KCNIP4: variants seen among roughly 807,000 people sequenced by gnomAD.
KCNIP4 encodes the protein potassium voltage-gated channel interacting protein 4, also known as Kv channel-interacting protein 4.
A neutral mutation model predicts 34.0 loss-of-function variants in KCNIP4; 12 were observed. The observed-to-expected ratio is 0.35, with a 90% CI of 0.23 to 0.57. KCNIP4 has a LOEUF of 0.57. Among genes scored for constraint, KCNIP4 ranks in the 20% least tolerant of loss-of-function variants. The pLI, the probability that KCNIP4 is intolerant of heterozygous loss-of-function variation, is 0.83. For synonymous variants in KCNIP4, 124 were observed against 102.2 expected (o/e 1.21, Z -1.29); for missense variants, 238 against 311.7 (o/e 0.76, Z 1.78).
At chr4:21,269,514 T>C (rs1413561523) in intron 1 of KCNIP4, among the ~76,000 whole-genome samples, 1 of 152,058 alleles carries the variant, frequency 6.6e-6, no homozygotes, top group Non-Finnish European at 1.5e-5. Flanking sequence ...CCAGCAATCT[T>C]CCCACCTCGG....
At chr4:21,345,402 G>A (rs28391756) in intron 1 of KCNIP4, among the ~76,000 whole-genome samples, 10,976 of 152,126 alleles carry the variant, frequency 0.072, 1,197 homozygotes, top group African/African-American at 0.23. Context: ...CATGAAAACG[G>A]TGAGATAAAT....
chr4:21,387,630 G>T (rs1722149028), intron 1 of KCNIP4, among the ~76,000 whole-genome samples: 1 of 152,118 alleles, frequency 6.6e-6, no homozygotes, highest in South Asian at 2.1e-4. Context: ...GAACCAATAT[G>T]AATCCTTTCT....
In KCNIP4 at chr4:21,401,467, G is replaced by A. The variant is rs1303623674; in HGVS notation, c.62-518758C>T. ...CTTTTTCTGGGGCAGACCTATTAAG[G>A]TGCCACTGTTCAGAAAACTCAGCAG... On this transcript the variant is annotated intron_variant, in intron 1 of 8. Coordinates refer to ENST00000382152, the MANE Select transcript of KCNIP4 (RefSeq NM_025221.6). 2.0e-5 allele frequency among the ~76,000 whole-genome samples: 3 copies of A among 152,240 alleles called. No homozygotes were observed. The East Asian group carries it at 5.8e-4, about 30-fold the overall frequency.
At chr4:21,429,469 C>T (rs191782734) in intron 1 of KCNIP4, among the ~76,000 whole-genome samples, 19 of 151,770 alleles carry the variant, frequency 1.3e-4, no homozygotes, top group Admixed American at 1.1e-3. Context: ...ATTGTGTAGA[C>T]ATAGGTTTTC....
At chr4:21,511,306 T>A (rs1734293525) in intron 1 of KCNIP4, among the ~76,000 whole-genome samples, 1 of 151,494 alleles carries the variant, frequency 6.6e-6, no homozygotes, top group South Asian at 2.1e-4. Context: ...ATAAATAGTA[T>A]AGGCTTCATA....
In KCNIP4 at chr4:21,718,772, GACAGCGC is replaced by G. The variant is rs1315380655; in HGVS notation, c.61+229792_61+229798del. ...AACAGTGCAAGTAATGACTCCACAA[GACAGCGC>G]AAGTAATGACTCTATAGCCAATGGA... On this transcript the variant is annotated intron_variant, in intron 1 of 8. Coordinates refer to ENST00000382152, the MANE Select transcript of KCNIP4 (RefSeq NM_025221.6). 2 of 152,118 alleles carry G rather than the reference GACAGCGC, an allele frequency of 1.3e-5. 1 individual carries two copies. The highest frequency in any genetic ancestry group is 2.9e-5 in the Non-Finnish European group (2 of 68,014). 9.4% of individuals were successfully genotyped at this position (152,118 alleles called of 1,614,324 possible).
chr4:21,725,481 T>A (rs1715131000), intron 1 of KCNIP4, among the ~76,000 whole-genome samples: 1 of 152,104 alleles, frequency 6.6e-6, no homozygotes, highest in Non-Finnish European at 1.5e-5. Flanking sequence ...ACAAGAGACA[T>A]TCAAAGACAC....
chr4:20,877,459 G>A (rs1183053032), intron 2 of KCNIP4, among the ~76,000 whole-genome samples: 1 of 152,080 alleles, frequency 6.6e-6, no homozygotes, highest in Non-Finnish European at 1.5e-5. Flanking sequence ...TTCAGTGTTG[G>A]AAAGTACTGG....
intron 1 of KCNIP4, among the ~76,000 whole-genome samples, chr4:21,212,481 C>T (rs574815785): frequency 2.6e-5 from 4 of 152,306 alleles, no homozygotes; most frequent in South Asian, 2.1e-4. Flanking sequence ...AAGAGGGCTT[C>T]GTCAGTCCCA....
intron 1 of KCNIP4, among the ~76,000 whole-genome samples, chr4:20,904,980 G>T (rs1310311999): frequency 6.6e-6 from 1 of 152,176 alleles, no homozygotes; most frequent in African/African-American, 2.4e-5. Context: ...GCATTTAAGA[G>T]AGACAGTTTT....
chr4:21,862,873 A>G (rs1725165011), intron 1 of KCNIP4, among the ~76,000 whole-genome samples: 1 of 151,210 alleles, frequency 6.6e-6, no homozygotes, highest in South Asian at 2.1e-4. Context: ...AGGCAGGAGA[A>G]TGGCGTGAAC....
intron 1 of KCNIP4, among the ~76,000 whole-genome samples, chr4:21,812,357 C>A (rs1721711227): frequency 6.6e-6 from 1 of 152,028 alleles, no homozygotes; most frequent in Admixed American, 6.6e-5. Flanking sequence ...AATCCAGGCA[C>A]AGATATTTAA....
chr4:21,491,489 C>T (rs940065621), intron 1 of KCNIP4, among the ~76,000 whole-genome samples: 3 of 152,138 alleles, frequency 2.0e-5, no homozygotes, highest in Admixed American at 6.6e-5. Flanking sequence ...ATCCTTCTGC[C>T]TCAGCCTCTC....
rs1008515386 is a variant in KCNIP4 at position 20,753,222 on chromosome 4, CTAGT to C, written c.359-3494_359-3491del. ...ACTTGTAGTGACATACTGAGGTCACCTAGTTAGTTCATGGTAAAGTTGGCAATGG... is the reference window on the plus strand; with the variant it reads ...ACTTGTAGTGACATACTGAGGTCACCTAGTTCATGGTAAAGTTGGCAATGG... On this transcript the variant is annotated intron_variant, in intron 4 of 8. Coordinates refer to ENST00000382152, the MANE Select transcript of KCNIP4 (RefSeq NM_025221.6). Among the ~76,000 whole-genome samples, 8 of 152,072 alleles carry C rather than the reference CTAGT, an allele frequency of 5.3e-5. No homozygotes were observed. In the South Asian group the frequency reaches 8.3e-4, roughly 16 times the overall value.
chr4:21,240,465 A>C (rs1759726988), intron 1 of KCNIP4, among the ~76,000 whole-genome samples: 1 of 152,192 alleles, frequency 6.6e-6, no homozygotes, highest in Admixed American at 6.5e-5. Context: ...CATCTGCAGC[A>C]GATAACAGAC....
intron 3 of KCNIP4, among the ~76,000 whole-genome samples, chr4:20,769,050 G>C (rs1755649260): frequency 7.4e-6 from 1 of 134,322 alleles, no homozygotes; most frequent in African/African-American, 2.8e-5. Context: ...ATGGAAGAAG[G>C]AAATCACATG....
intron 3 of KCNIP4, among the ~76,000 whole-genome samples, chr4:20,813,311 C>T (rs1715999716): frequency 6.6e-6 from 1 of 152,074 alleles, no homozygotes; most frequent in African/African-American, 2.4e-5. Flanking sequence ...GGATAGAGTC[C>T]TTGTTGAGGA....
intron 3 of KCNIP4, among the ~76,000 whole-genome samples, chr4:20,828,652 C>A (rs994867734): frequency 7.9e-5 from 12 of 152,214 alleles, no homozygotes; most frequent in African/African-American, 2.2e-4. Context: ...CTGAGTCGCT[C>A]ACTCATTCTC....
chr4:21,549,549 G>A (rs543389839), intron 1 of KCNIP4, among the ~76,000 whole-genome samples: 1 of 152,062 alleles, frequency 6.6e-6, no homozygotes, highest in Non-Finnish European at 1.5e-5. Flanking sequence ...CTCACTAGAA[G>A]CCAAGCAGAT....
Sources: allele counts gnomAD v4.1 joint callset (sites outside exome capture counted in the v4.1 genomes callset), GRCh38; gene constraint gnomAD v4.1.1; transcripts MANE v1.5; gene names NCBI Gene and HGNC (gene_info 2026-07-23, HGNC 2026-07-21).